Variants in MTCH1 observed in about 807,000 individuals in gnomAD.
The protein encoded by MTCH1 is mitochondrial carrier 1.
In MTCH1, 23 loss-of-function variants were observed where a neutral mutation model predicts 49.3. The ratio of observed to expected loss-of-function variants is 0.47; its 90% CI spans 0.34 to 0.66. The LOEUF (loss-of-function observed/expected upper bound fraction) is 0.66. Ranked by LOEUF, MTCH1 falls within the 30% of genes least tolerant of loss-of-function variation. The probability of loss-of-function intolerance (pLI) is 0.01; values close to 1 mark genes in which losing one functional copy is unlikely to be tolerated. For missense variants in MTCH1, 397 were observed against 532.1 expected (o/e 0.75, Z 2.50); for synonymous variants, 229 against 215.2 (o/e 1.06, Z -0.56).
chr6:36,977,988 T>C lies in MTCH1; in HGVS notation c.591+90A>G. ...CATGCATACACAAGGACCCAACTCT[T>C]CGACTTGTCAATGACCCGCCCAACT... On this transcript the variant is annotated intron_variant, in intron 4 of 11. Coordinates refer to ENST00000373627, the MANE Select transcript of MTCH1 (RefSeq NM_001271641.2). This position sits in a 1 kb window ranked among gnomAD's most constrained non-coding sequence, Gnocchi z 5.4. 1 of 1,198,898 alleles carries C rather than the reference T, an allele frequency of 8.3e-7. No homozygotes were observed. The highest frequency in any genetic ancestry group is 1.7e-5 in the Admixed American group (1 of 58,818). 74.3% of individuals were successfully genotyped at this position (1,198,898 alleles called of 1,614,324 possible). A position where few individuals can be genotyped will look rare whatever the true frequency, so the allele number is the denominator to read the frequency against.
At chr6:36,976,827 A>G (rs1484643145) in intron 6 of MTCH1, among the ~76,000 whole-genome samples, 2 of 152,196 alleles carry the variant, frequency 1.3e-5, no homozygotes, top group Non-Finnish European at 2.9e-5. Context: ...AAAAAGAGCT[A>G]TCAGCCTATG....
At chr6:36,976,355 T>A (rs576620264) in intron 6 of MTCH1, 38 of 352,286 alleles carry the variant, frequency 1.1e-4, no homozygotes, top group Non-Finnish European at 2.2e-4. Flanking sequence ...GGAAGCTCAA[T>A]AACAACCTAC....
At position 36,970,126 on chromosome 6, in the gene MTCH1, GGA is replaced by G; in HGVS notation, c.1023-14_1023-13del. ...GCCCAGCTTGCAGCCTGCCGGAGAA[GGA>G]GAGTGTAGATGCAGAGAACAGTGGA... On this transcript the variant is annotated splice_polypyrimidine_tract_variant and intron_variant, in intron 10 of 11. Transcript: ENST00000373627. 2 of 1,613,550 alleles carry G rather than the reference GGA, an allele frequency of 1.2e-6. No homozygotes were observed. Among genetic ancestry groups the G allele is most frequent in the Admixed American group, 1.7e-5 (1 of 60,020 alleles).
Position 36,985,849 on chromosome 6 carries a change from C to A in MTCH1, c.321+4G>T. 1.3e-6 allele frequency: 2 copies of A among 1,554,438 alleles called. No individual in the cohort carries two copies. The highest frequency in any genetic ancestry group is 4.8e-5 in the East Asian group (2 of 41,502). On this transcript the variant is annotated splice_donor_region_variant and intron_variant, in intron 1 of 11. Coordinates refer to ENST00000373627, the MANE Select transcript of MTCH1 (RefSeq NM_001271641.2). ...ATCTCCCTACGGCGCCTCTGGTCCC[C>A]CACCTGGATGAGCAGCTTCACGTAG...
chr6:36,976,754 C>G (rs1029045977), intron 6 of MTCH1, among the ~76,000 whole-genome samples: 17 of 152,158 alleles, frequency 1.1e-4, no homozygotes, highest in Non-Finnish European at 1.8e-4. Context: ...AGGTGAGGGT[C>G]TGGTACACAA....
At chr6:36,980,439 T>C (rs73422783) in intron 2 of MTCH1, among the ~76,000 whole-genome samples, 9,025 of 152,258 alleles carry the variant, frequency 0.059, 303 homozygotes, top group African/African-American at 0.066. Flanking sequence ...CACTACACAA[T>C]GGTGGGGTGC....
chr6:36,986,328 G>T (rs998708415), upstream of MTCH1: 5 of 664,212 alleles, frequency 7.5e-6, no homozygotes, highest in Admixed American at 1.4e-4. Flanking sequence ...CTCCCCGGCC[G>T]GTTGGAGGCC....
At chr6:36,986,225 C>A, upstream of MTCH1, 1 of 1,374,746 alleles carries the variant, frequency 7.3e-7, no homozygotes, top group Non-Finnish European at 9.4e-7. Context: ...CACGCCCCCT[C>A]ACCGGCGTCA....
At position 36,979,786 on chromosome 6, in the gene MTCH1, G is replaced by A. The variant is rs375278351; in HGVS notation, c.407-1175C>T. ...GAGGAGAGGGAGCCTCAGGACCTCT[G>A]TTTGTGATCCTGAGCAAAACATCGA... On this transcript the variant is annotated intron_variant, in intron 2 of 11. Coordinates refer to ENST00000373627, the MANE Select transcript of MTCH1 (RefSeq NM_001271641.2). Among the ~76,000 whole-genome samples the A allele has an allele frequency of 8.5e-5, 13 of 152,222 alleles. No homozygotes were observed. In the East Asian group the frequency reaches 1.7e-3, roughly 20 times the overall value.
chr6:36,974,796 A>G (rs1389098161), intron 7 of MTCH1, among the ~76,000 whole-genome samples: 2 of 152,202 alleles, frequency 1.3e-5, no homozygotes, highest in East Asian at 1.9e-4. Context: ...CCGGAAAACC[A>G]TGATATAAAG....
At position 36,985,991 on chromosome 6, in the gene MTCH1, C is replaced by G. The variant is rs1431643227; in HGVS notation, c.183G>C (p.Ser61=). The G allele has an allele frequency of 6.5e-7, 1 of 1,544,116 alleles. No individual in the cohort carries two copies. Among genetic ancestry groups the G allele is most frequent in the Non-Finnish European group, 8.7e-7 (1 of 1,145,288 alleles). Residue 61 remains serine (S), a synonymous_variant, in exon 1 of 12, where the codon TCG becomes TCC. Coordinates refer to ENST00000373627, the MANE Select transcript of MTCH1 (RefSeq NM_001271641.2). Reference sequence around the variant, plus strand: ...CTGACCCGCCATCCATCCTGCGGGCCGAGGGCTGAGCCGCAGGCCGAGGGT... The same window carrying G: ...CTGACCCGCCATCCATCCTGCGGGCGGAGGGCTGAGCCGCAGGCCGAGGGT... The part of the protein sequence containing the change: ...PRHPRPAAQP[S]ARRMDGGSGG...
rs1443364886 is a variant in MTCH1, at chr6:36,968,206, G to C, written c.*697C>G. The C allele has an allele frequency of 6.5e-6, 1 of 154,248 alleles. No homozygotes were observed. The highest frequency in any genetic ancestry group is 1.4e-5 in the Non-Finnish European group (1 of 69,370). The allele number at this position is 154,248 out of a possible 1,614,324, so 9.6% of individuals were successfully genotyped here. On this transcript the variant is annotated 3_prime_UTR_variant, in exon 12 of 12. Coordinates refer to ENST00000373627, the MANE Select transcript of MTCH1 (RefSeq NM_001271641.2). ...AATCTTACCATGAACTTTAAAACTGGGTAGGACTAGAGACACTGATCTGCC... is the reference window on the plus strand; with the variant it reads ...AATCTTACCATGAACTTTAAAACTGCGTAGGACTAGAGACACTGATCTGCC...
intron 2 of MTCH1, among the ~76,000 whole-genome samples, chr6:36,979,332 A>G (rs537287422): frequency 2.6e-5 from 4 of 152,324 alleles, no homozygotes; most frequent in South Asian, 4.1e-4. Flanking sequence ...TTCTTTCACT[A>G]GGGTCTGTCT....
intron 6 of MTCH1, chr6:36,976,450 T>A (rs1483360389): frequency 2.2e-6 from 1 of 454,508 alleles, no homozygotes; most frequent in African/African-American, 2.0e-5. Context: ...GCCCCACCAC[T>A]CAGAACAGTG....
Position 36,977,990 on chromosome 6 carries a change from G to T in MTCH1, c.591+88C>A. Reference sequence around the variant, plus strand: ...TGCATACACAAGGACCCAACTCTTCGACTTGTCAATGACCCGCCCAACTTG... The same window carrying T: ...TGCATACACAAGGACCCAACTCTTCTACTTGTCAATGACCCGCCCAACTTG... On this transcript the variant is annotated intron_variant, in intron 4 of 11. Transcript: ENST00000373627. This position sits in a 1 kb window ranked among gnomAD's most constrained non-coding sequence, Gnocchi z 5.4. The T allele has an allele frequency of 8.2e-7, 1 of 1,218,980 alleles. No individual in the cohort carries two copies. Among genetic ancestry groups the T allele is most frequent in the Non-Finnish European group, 1.2e-6 (1 of 823,232 alleles). 75.5% of individuals were successfully genotyped at this position (1,218,980 alleles called of 1,614,324 possible). A position where few individuals can be genotyped will look rare whatever the true frequency, so the allele number is the denominator to read the frequency against.
chr6:36,969,459 G>C (rs976622596), intron 11 of MTCH1: 4 of 1,071,152 alleles, frequency 3.7e-6, no homozygotes, highest in Non-Finnish European at 4.5e-6. Context: ...TTCTGCCCTC[G>C]GCCAAAGCCT....
rs1424129188 is a variant in MTCH1 at position 36,982,680 on chromosome 6, C to T, written c.322-1008G>A. On this transcript the variant is annotated intron_variant, in intron 1 of 11. Coordinates refer to ENST00000373627, the MANE Select transcript of MTCH1 (RefSeq NM_001271641.2). This position sits in a 1 kb window ranked among gnomAD's most constrained non-coding sequence, Gnocchi z 4.1. The stretch of plus-strand genomic sequence containing the variant: ...CTGGGATTACAGGCATGAGCCACTG[C>T]GCCCAGCCTGAAATATTTATTAAAC... Among the ~76,000 whole-genome samples, 2 of 152,226 alleles carry T rather than the reference C, an allele frequency of 1.3e-5. No individual in the cohort carries two copies. The highest frequency in any genetic ancestry group is 2.1e-4 in the South Asian group (1 of 4,836).
rs1327358435 is a variant in MTCH1 at position 36,986,154 on chromosome 6, T to A, written c.20A>T (p.Glu7Val). 2.1e-6 allele frequency: 3 copies of A among 1,436,122 alleles called. No individual in the cohort carries two copies. Among genetic ancestry groups the A allele is most frequent in the African/African-American group, 1.5e-5 (1 of 66,184 alleles). 89.0% of individuals were successfully genotyped at this position (1,436,122 alleles called of 1,614,324 possible). A position where few individuals can be genotyped will look rare whatever the true frequency, so the allele number is the denominator to read the frequency against. The change falls in exon 1 of 12, where the codon GAA (glutamate) becomes GTA (valine). Residue 7 changes from glutamate to valine, a missense_variant. Transcript: ENST00000373627. MGASDP[E>V]VAPWARGGAA... ...ACCGCCGCGAGCCCAGGGCGCCACTTCCGGGTCCGAAGCTCCCATGGCGCC... is the reference window on the plus strand; with the variant it reads ...ACCGCCGCGAGCCCAGGGCGCCACTACCGGGTCCGAAGCTCCCATGGCGCC...
Position 36,970,492 on chromosome 6 carries a change from T to C in MTCH1, c.955-19A>G. On this transcript the variant is annotated intron_variant, in intron 9 of 11. Transcript: ENST00000373627. ...CTGCAATCTGAAACCCAGAGAGGCC[T>C]GAGTGCCAGTGACCCACCCCGGCCC... is the stretch of plus-strand genomic sequence containing the variant. The C allele has an allele frequency of 1.2e-6, 2 of 1,613,978 alleles. No individual in the cohort carries two copies. Among genetic ancestry groups the C allele is most frequent in the Non-Finnish European group, 1.7e-6 (2 of 1,179,908 alleles).
Sources: gnomAD v4.1 joint callset for allele counts (sites outside exome capture counted in the v4.1 genomes callset) on GRCh38, gnomAD v4.1.1 for gene constraint, Gnocchi (gnomAD v3.1) non-coding constraint, MANE v1.5 for transcripts, NCBI Gene and HGNC (gene_info 2026-07-23, HGNC 2026-07-21) for gene names.